The following SGIP1 variants were observed in gnomAD, a reference collection of about 807,000 sequenced individuals.
SGIP1 encodes the protein SH3GL interacting endocytic adaptor 1.
SGIP1 carries 38 observed loss-of-function variants against 107.5 expected under a neutral mutation model. The observed-to-expected ratio is 0.35, with a 90% CI of 0.27 to 0.46. The LOEUF (loss-of-function observed/expected upper bound fraction) is 0.46. SGIP1 is among the 20% of genes least tolerant of loss of function. SGIP1 has a pLI of 1.00. For synonymous variants in SGIP1, 365 were observed against 366.1 expected, an observed-to-expected ratio of 1.00 and a Z score of 0.03; for missense variants, 929 against 1,019.5, an observed-to-expected ratio of 0.91 and a Z score of 1.21.
chr1:66,679,590 T>A, intron 13 of SGIP1, 88 bp from the exon 14 acceptor site: 1 of 1,397,094 alleles, frequency 7.2e-7, no homozygotes, highest in Non-Finnish European at 9.8e-7. Flanking sequence ...GGAATATAAC[T>A]GAAAGCCCAA....
chr1:66,654,312 T>C (rs1336720619), intron 7 of SGIP1, among the ~76,000 whole-genome samples: 3 of 152,180 alleles, frequency 2.0e-5, no homozygotes, highest in Non-Finnish European at 4.4e-5. Context: ...TCCTCTACAA[T>C]GTGTAGGTTC....
chr1:66,559,644 A>G (rs1052049186), intron 1 of SGIP1, among the ~76,000 whole-genome samples: 18 of 152,024 alleles, frequency 1.2e-4, no homozygotes, highest in Non-Finnish European at 2.5e-4. Flanking sequence ...CCTTCAGTAC[A>G]TGGCTGTGAC....
chr1:66,654,261 A>G (rs762900359), intron 7 of SGIP1, among the ~76,000 whole-genome samples: 105 of 152,170 alleles, frequency 6.9e-4, no homozygotes, highest in Middle Eastern at 6.8e-3. Flanking sequence ...TTTTTTCACT[A>G]CTTGATGGGT....
At position 66,750,558 on chromosome 1, in the gene SGIP1, A is replaced by G. The variant is rs2094610111; in HGVS notation, c.*7463A>G. Among the ~76,000 whole-genome samples, 1 of 152,250 alleles carries G rather than the reference A, an allele frequency of 6.6e-6. No individual in the cohort carries two copies. The highest frequency in any genetic ancestry group is 2.1e-4 in the South Asian group (1 of 4,836). Reference sequence around the variant, plus strand: ...CTTGTACTAAGTACATAATTTCACAAAAATACCTTGGGCATAAAATACTTA... The same window carrying G: ...CTTGTACTAAGTACATAATTTCACAGAAATACCTTGGGCATAAAATACTTA... On this transcript the variant is annotated 3_prime_UTR_variant, in exon 25 of 25. Transcript: ENST00000371037.
intron 5 of SGIP1, among the ~76,000 whole-genome samples, chr1:66,640,488 A>G (rs2149471107): frequency 6.6e-6 from 1 of 152,306 alleles, no homozygotes; most frequent in East Asian, 1.9e-4. Context: ...AGAGGCTAAC[A>G]GGCTGAACAT....
In SGIP1 at chr1:66,690,069, G is replaced by C. The variant is rs1246140281; in HGVS notation, c.1444-121G>C. On this transcript the variant is annotated intron_variant, in intron 16 of 24. Coordinates refer to ENST00000371037, the MANE Select transcript of SGIP1 (RefSeq NM_032291.4). ...TAGAATTAATTTCAGTGTAAAAATG[G>C]TGTCATCTATTCTTCAGATACCTAA... 4.6e-6 allele frequency: 5 copies of C among 1,098,256 alleles called. No individual in the cohort carries two copies. The East Asian group carries it at 1.2e-4, about 26-fold the overall frequency. 68.0% of individuals were successfully genotyped at this position (1,098,256 alleles called of 1,614,324 possible).
At chr1:66,606,131 T>G (rs546266816) in intron 1 of SGIP1, among the ~76,000 whole-genome samples, 56 of 152,306 alleles carry the variant, frequency 3.7e-4, no homozygotes, top group African/African-American at 1.3e-3. Context: ...AGGCCTGTAG[T>G]CAAGCTCAAA....
At chr1:66,691,082 C>T (rs2089730010) in intron 17 of SGIP1, among the ~76,000 whole-genome samples, 2 of 152,118 alleles carry the variant, frequency 1.3e-5, no homozygotes, top group Admixed American at 1.3e-4. Context: ...CTCATTTTTG[C>T]ATGGTGTCTC....
rs2078425450 is a variant in SGIP1, at chr1:66,649,976, G to A, written c.459+6257G>A. 2.6e-5 allele frequency among the ~76,000 whole-genome samples: 4 copies of A among 151,998 alleles called. No homozygotes were observed. In the South Asian group the frequency reaches 8.3e-4, roughly 32 times the overall value. ...GGTGACTCCCATACCTACTTCATTG[G>A]GCTATTTTGAGGGTTGAATGATTTA... On this transcript the variant is annotated intron_variant, in intron 7 of 24. Transcript: ENST00000371037.
chr1:66,682,402 C>T (rs199926790), intron 15 of SGIP1, 33 bp downstream of exon 15: 58 of 1,575,322 alleles, frequency 3.7e-5, no homozygotes, highest in Middle Eastern at 3.7e-4. Context: ...CTTCTTGTGA[C>T]GGGGAATGGC....
chr1:66,636,731 G>A (rs1311581134), intron 4 of SGIP1, among the ~76,000 whole-genome samples: 1 of 152,102 alleles, frequency 6.6e-6, no homozygotes, highest in Non-Finnish European at 1.5e-5. Flanking sequence ...ATAATATTTA[G>A]GCAGTACGTC....
In SGIP1 at chr1:66,572,006, C is replaced by T. The variant is rs557921701; in HGVS notation, c.10+37638C>T. ...TTTTCTATGACTCACTTACAGGATT[C>T]ACTACATTCTGTTGTAATTATCAAG... On this transcript the variant is annotated intron_variant, in intron 1 of 24. Transcript: ENST00000371037. Among the ~76,000 whole-genome samples the T allele has an allele frequency of 2.3e-3, 347 of 152,150 alleles. 1 individual carries two copies. The highest frequency in any genetic ancestry group is 2.9e-3 in the Admixed American group (44 of 15,236).
chr1:66,560,426 GA>G (rs1180916687), intron 1 of SGIP1, among the ~76,000 whole-genome samples: 1 of 151,906 alleles, frequency 6.6e-6, no homozygotes, highest in Non-Finnish European at 1.5e-5. Flanking sequence ...TCCAGTCCTT[GA>G]AATCTCATGA....
chr1:66,679,570 T>G (rs2086197400), intron 13 of SGIP1, 108 bp from the exon 14 acceptor site: 1 of 1,171,398 alleles, frequency 8.5e-7, no homozygotes, highest in Non-Finnish European at 1.2e-6. Context: ...CTATTCCATT[T>G]CCAATAGCAG....
intron 4 of SGIP1, 38 bp from the exon 5 acceptor site, chr1:66,639,739 A>G (rs1371015593): frequency 1.3e-6 from 2 of 1,507,034 alleles, no homozygotes; most frequent in Non-Finnish European, 9.2e-7. Context: ...TTTTATTCAA[A>G]TGTTTTCCTT....
chr1:66,554,340 G>A (rs1445229055), intron 1 of SGIP1, among the ~76,000 whole-genome samples: 1 of 152,116 alleles, frequency 6.6e-6, no homozygotes, highest in African/African-American at 2.4e-5. Flanking sequence ...CTTTCTCCAA[G>A]GTTCAGACAG....
rs1233871897 is a variant in SGIP1, at chr1:66,735,826, CAAAAAAA to C, written c.2031+1969_2031+1975del. Among the ~76,000 whole-genome samples, 131 of 79,196 alleles carry C rather than the reference CAAAAAAA, an allele frequency of 1.7e-3. 10 individuals are homozygous for C. Among genetic ancestry groups the C allele is most frequent in the Middle Eastern group, 7.5e-3 (1 of 134 alleles). The allele number at this position is 79,196 out of a possible 152,430, so 52.0% of individuals were successfully genotyped here. A position where few individuals can be genotyped will look rare whatever the true frequency, so the allele number is the denominator to read the frequency against. The stretch of plus-strand genomic sequence containing the variant: ...TGGGCGACAGAGCGAGACTCCGTCT[CAAAAAAA>C]AAAAAAAAAAAAAAAAAAAAAAGAG... On this transcript the variant is annotated intron_variant, in intron 21 of 24. Transcript: ENST00000371037.
chr1:66,673,980 C>T (rs114280912), intron 12 of SGIP1, among the ~76,000 whole-genome samples: 8,600 of 138,014 alleles, frequency 0.062, 308 homozygotes, highest in South Asian at 0.11. Flanking sequence ...GCCTGGACAA[C>T]ATACGGAGAC....
intron 15 of SGIP1, among the ~76,000 whole-genome samples, chr1:66,687,969 C>T (rs2088846897): frequency 6.6e-6 from 1 of 152,184 alleles, no homozygotes; most frequent in African/African-American, 2.4e-5. Context: ...TCTCCTAAAA[C>T]ACAGCAGATT....
Sources: allele counts gnomAD v4.1 joint callset (sites outside exome capture counted in the v4.1 genomes callset), GRCh38; gene constraint gnomAD v4.1.1; transcripts MANE v1.5; gene names NCBI Gene and HGNC (gene_info 2026-07-23, HGNC 2026-07-21).